The following ABL1 variants were observed in gnomAD, a reference collection of about 807,000 sequenced individuals.
ABL1 encodes the protein ABL proto-oncogene 1, non-receptor tyrosine kinase.
A neutral mutation model predicts 94.7 loss-of-function variants in ABL1; 11 were observed. The observed-to-expected ratio is 0.12, with a 90% CI of 0.07 to 0.19. ABL1 has a LOEUF of 0.19. ABL1 is among the 10% of genes least tolerant of loss of function. The probability of loss-of-function intolerance (pLI) is 1.00; values close to 1 mark genes in which losing one functional copy is unlikely to be tolerated. For synonymous variants in ABL1, 656 were observed against 622.4 expected, an observed-to-expected ratio of 1.05 and a Z score of -0.80; for missense variants, 1,082 against 1,489.4, an observed-to-expected ratio of 0.73 and a Z score of 4.50.
At chr9:130,805,997 C>T (rs899560727) in intron 1 of ABL1, among the ~76,000 whole-genome samples, 1 of 152,006 alleles carries the variant, frequency 6.6e-6, no homozygotes, top group African/African-American at 2.4e-5. Flanking sequence ...GGAATTATAC[C>T]AGTCAGAGAG....
chr9:130,838,675 G>A (rs537305637), intron 1 of ABL1, among the ~76,000 whole-genome samples: 3 of 152,142 alleles, frequency 2.0e-5, no homozygotes, highest in East Asian at 1.9e-4. Flanking sequence ...TGCAATATTC[G>A]GTCTACTTTG....
rs1444557057 is a variant in ABL1 at position 130,854,566 on chromosome 9, T to C, written c.254-235T>C. On this transcript the variant is annotated intron_variant, in intron 2 of 10. Coordinates refer to ENST00000318560, the MANE Select transcript of ABL1 (RefSeq NM_005157.6). Reference sequence around the variant, plus strand: ...GAACAGAGCACTTGAATAAACATAATTGATTTATAAAAACTGAGGCTATAC... The same window carrying C: ...GAACAGAGCACTTGAATAAACATAACTGATTTATAAAAACTGAGGCTATAC... Among the ~76,000 whole-genome samples the C allele has an allele frequency of 2.6e-5, 4 of 152,212 alleles. No individual in the cohort carries two copies. In the East Asian group the frequency reaches 7.7e-4, roughly 29 times the overall value.
exon 1 of ABL1, chr9:130,714,287 CCT>C (rs1831407831): frequency 6.5e-7 from 1 of 1,547,338 alleles, no homozygotes; most frequent in Non-Finnish European, 8.7e-7. Flanking sequence ...GATCTTGAAC[CCT>C]CTTCTGGAAA....
At position 130,862,957 on chromosome 9, in the gene ABL1, G is replaced by A. The variant is rs949364770; in HGVS notation, c.744G>A (p.Leu248=). Residue 248 remains leucine, a synonymous_variant, in exon 4 of 11, where the codon CTG becomes CTA. Coordinates refer to ENST00000318560, the MANE Select transcript of ABL1 (RefSeq NM_005157.6). The surrounding 1 kb of genome is among the most constrained non-coding windows in gnomAD (Gnocchi z 5.5). ...CGGACATCACCATGAAGCACAAGCT[G>A]GGCGGGGGCCAGTACGGGGAGGTGT... ...ERTDITMKHK[L]GGGQYGEVYE... 1.2e-6 allele frequency: 2 copies of A among 1,614,082 alleles called. No individual in the cohort carries two copies. Among genetic ancestry groups the A allele is most frequent in the East Asian group, 4.5e-5 (2 of 44,888 alleles).
intron 3 of ABL1, among the ~76,000 whole-genome samples, chr9:130,857,900 G>C (rs1197145414): frequency 6.6e-6 from 1 of 152,060 alleles, no homozygotes; most frequent in Non-Finnish European, 1.5e-5. Context: ...CCCAGAGGTG[G>C]AGCTGCGTTC....
At chr9:130,734,043 G>A (rs551603022) in intron 1 of ABL1, among the ~76,000 whole-genome samples, 3 of 152,108 alleles carry the variant, frequency 2.0e-5, no homozygotes, top group Non-Finnish European at 1.5e-5. Flanking sequence ...GAAATCAAGT[G>A]TCTCTTGACA....
chr9:130,794,374 A>G (rs1435335169), intron 1 of ABL1, among the ~76,000 whole-genome samples: 2 of 152,226 alleles, frequency 1.3e-5, no homozygotes, highest in African/African-American at 2.4e-5. Context: ...GTCATAGTCA[A>G]GAGACTTTGC....
At chr9:130,813,561 C>CAAAAAAAA (rs57194587) in intron 1 of ABL1, among the ~76,000 whole-genome samples, 11 of 60,644 alleles carry the variant, frequency 1.8e-4, no homozygotes, top group Admixed American at 4.4e-4. Flanking sequence ...ACTCCATCTC[C>CAAAAAAAA]AAAAAAAAAA....
At chr9:130,719,418 A>G (rs1831487722) in intron 1 of ABL1, among the ~76,000 whole-genome samples, 2 of 151,994 alleles carry the variant, frequency 1.3e-5, no homozygotes, top group African/African-American at 4.8e-5. Context: ...AGTCCCAGCT[A>G]CTCGGGAGGC....
chr9:130,872,829 C>A lies in ABL1; in HGVS notation c.908-31C>A, dbSNP rs34096872. The A allele has an allele frequency of 1.0e-4, 166 of 1,590,398 alleles. No homozygotes were observed. In the East Asian group the frequency reaches 3.5e-3, roughly 33 times the overall value. On this transcript the variant is annotated intron_variant, in intron 5 of 10. Coordinates refer to ENST00000318560, the MANE Select transcript of ABL1 (RefSeq NM_005157.6). This position sits in a 1 kb window ranked among gnomAD's most constrained non-coding sequence, Gnocchi z 5.0. ...GTTTGTTCAGTTGGGAGCGGAGCCA[C>A]GTGTTGAAGTCCTCGTTGTCTTGTT...
rs764196086 is a variant in ABL1, at chr9:130,872,087, ACTTCC to A, written c.823-41_823-37del. 1 of 1,588,868 alleles carries A rather than the reference ACTTCC, an allele frequency of 6.3e-7. No homozygotes were observed. The highest frequency in any genetic ancestry group is 8.6e-7 in the Non-Finnish European group (1 of 1,158,356). ...GTCAAGTACTTACCCACTGAAAAGC[ACTTCC>A]TGAAATAATTTCACCTTCGTTTTTT... On this transcript the variant is annotated intron_variant, in intron 4 of 10. Coordinates refer to ENST00000318560, the MANE Select transcript of ABL1 (RefSeq NM_005157.6). The surrounding 1 kb of genome is among the most constrained non-coding windows in gnomAD (Gnocchi z 5.0).
intron 1 of ABL1, among the ~76,000 whole-genome samples, chr9:130,754,495 G>A (rs1479865290): frequency 1.7e-5 from 2 of 120,952 alleles, no homozygotes; most frequent in South Asian, 2.8e-4. Flanking sequence ...GCGACAGAGC[G>A]AGACTCCGTC....
intron 1 of ABL1, among the ~76,000 whole-genome samples, chr9:130,806,192 T>C (rs1830122973): frequency 6.6e-6 from 1 of 152,174 alleles, no homozygotes. Flanking sequence ...ATGGTAGATA[T>C]CTGTCACCAT....
At chr9:130,809,960 A>T (rs1830185587) in intron 1 of ABL1, among the ~76,000 whole-genome samples, 1 of 152,246 alleles carries the variant, frequency 6.6e-6, no homozygotes, top group Admixed American at 6.5e-5. Context: ...ACCTTTTCCA[A>T]ACAAAAGCTG....
chr9:130,716,025 T>TACACACAC (rs3076833), intron 1 of ABL1, among the ~76,000 whole-genome samples: 2 of 144,872 alleles, frequency 1.4e-5, no homozygotes, highest in African/African-American at 5.0e-5. Context: ...AATATATATA[T>TACACACAC]ACACACACAC....
chr9:130,732,915 T>C (rs1334955871), intron 1 of ABL1, among the ~76,000 whole-genome samples: 1 of 152,212 alleles, frequency 6.6e-6, no homozygotes, highest in Non-Finnish European at 1.5e-5. Flanking sequence ...GAATTGTTAT[T>C]AGCAAGGAGG....
chr9:130,734,819 G>A (rs1831714245), intron 1 of ABL1, among the ~76,000 whole-genome samples: 1 of 152,116 alleles, frequency 6.6e-6, no homozygotes, highest in African/African-American at 2.4e-5. Context: ...ACTGCGCCCA[G>A]CCTCTATTGA....
In ABL1 at chr9:130,884,632, C is replaced by T. The variant is rs753588128; in HGVS notation, c.2342C>T (p.Thr781Met). Residue 781 changes from threonine to methionine, a missense_variant, in exon 11 of 11, where the codon ACG becomes ATG. Thr to Met is a moderately conservative substitution (Grantham distance 81). Transcript: ENST00000318560. The surrounding 1 kb of genome is among the most constrained non-coding windows in gnomAD (Gnocchi z 5.6). ...RSDQVTRGTV[T>M]PPPRLVKKNE... is the part of the protein sequence containing the mutation. The stretch of plus-strand genomic sequence containing the variant: ...GACCAGGTGACCCGAGGCACAGTAA[C>T]GCCTCCCCCCAGGCTGGTGAAAAAG... 8.2e-5 allele frequency: 132 copies of T among 1,613,216 alleles called. No homozygotes were observed. The Admixed American group carries it at 1.2e-3, about 15-fold the overall frequency.
At chr9:130,849,766 C>G (rs1377459658) in intron 1 of ABL1, among the ~76,000 whole-genome samples, 2 of 152,226 alleles carry the variant, frequency 1.3e-5, no homozygotes, top group Non-Finnish European at 2.9e-5. Context: ...GATTGCCCGC[C>G]TTGGCCTCCC....
Sources: gnomAD v4.1 joint callset for allele counts (sites outside exome capture counted in the v4.1 genomes callset) on GRCh38, gnomAD v4.1.1 for gene constraint, Gnocchi (gnomAD v3.1) non-coding constraint, MANE v1.5 for transcripts, NCBI Gene and HGNC (gene_info 2026-07-23, HGNC 2026-07-21) for gene names.